The following MYZAP variants were observed in gnomAD, a reference collection of about 807,000 sequenced individuals.
The protein encoded by MYZAP is GRINL1A complex locus upstream.
MYZAP carries 66 observed loss-of-function variants against 69.4 expected under a neutral mutation model. The ratio of observed to expected loss-of-function variants is 0.95; its 90% CI spans 0.78 to 1.17. The LOEUF is 1.17. Ranked by LOEUF, MYZAP falls within the 50% of genes most tolerant of loss-of-function variation. The probability of loss-of-function intolerance (pLI) is 0.00; values close to 1 mark genes in which losing one functional copy is unlikely to be tolerated. For missense variants in MYZAP, 611 were observed against 556.2 expected (o/e 1.10, Z -0.99); for synonymous variants, 256 against 205.9 (o/e 1.24, Z -2.09).
intron 2 of MYZAP, among the ~76,000 whole-genome samples, chr15:57,608,403 G>T (rs2034894315): frequency 1.3e-5 from 2 of 152,202 alleles, no homozygotes; most frequent in Non-Finnish European, 2.9e-5. Flanking sequence ...TTTGGAGGCT[G>T]CTGGATGCAA....
At chr15:57,618,230 T>C (rs374913036) in intron 3 of MYZAP, 42 bp downstream of exon 3, 17 of 1,603,258 alleles carry the variant, frequency 1.1e-5, no homozygotes, top group Non-Finnish European at 1.4e-5. Flanking sequence ...TGTATTCTTT[T>C]TGTAGCATGC....
intron 3 of MYZAP, among the ~76,000 whole-genome samples, chr15:57,619,936 G>A (rs2934438): frequency 0.78 from 118,154 of 151,884 alleles, 46,281 homozygotes; most frequent in East Asian, 0.93. Flanking sequence ...ACCCTCCACT[G>A]TGATCCGCAA....
intron 10 of MYZAP, among the ~76,000 whole-genome samples, chr15:57,641,741 A>G (rs1185611165): frequency 1.3e-5 from 2 of 152,262 alleles, no homozygotes; most frequent in African/African-American, 2.4e-5. Context: ...AGCATACTAC[A>G]TTAACTTACA....
chr15:57,598,449 G>T (rs750130227), intron 1 of MYZAP, among the ~76,000 whole-genome samples: 1 of 152,124 alleles, frequency 6.6e-6, no homozygotes, highest in Non-Finnish European at 1.5e-5. Context: ...AACACTGAGC[G>T]AGCGCCCATC....
At chr15:57,600,845 G>A (rs1272777283) in intron 1 of MYZAP, among the ~76,000 whole-genome samples, 5 of 152,180 alleles carry the variant, frequency 3.3e-5, no homozygotes, top group Non-Finnish European at 7.3e-5. Context: ...ACATTTGGAG[G>A]CTGAGACAGG....
At chr15:57,607,944 A>T (rs752822786) in intron 2 of MYZAP, among the ~76,000 whole-genome samples, 1 of 152,132 alleles carries the variant, frequency 6.6e-6, no homozygotes, top group Non-Finnish European at 1.5e-5. Context: ...TGTGGTTTCA[A>T]CATGGCTTCC....
rs149680640 is a variant in MYZAP, at chr15:57,678,527, AGAT to A, written c.1304+3463_1304+3465del. Among the ~76,000 whole-genome samples, 934 of 152,300 alleles carry A rather than the reference AGAT, an allele frequency of 6.1e-3. 9 individuals carry two copies. Among genetic ancestry groups the A allele is most frequent in the African/African-American group, 0.022 (908 of 41,550 alleles). ...AATACAAAAAAATCTGAGTATGCTA[AGAT>A]GATTTCATTAACTTTTTATTGGTGG... On this transcript the variant is annotated intron_variant, in intron 12 of 12. Coordinates refer to ENST00000267853, the MANE Select transcript of MYZAP (RefSeq NM_001018100.5).
chr15:57,655,918 T>C (rs2037989004), intron 10 of MYZAP, among the ~76,000 whole-genome samples: 1 of 152,338 alleles, frequency 6.6e-6, no homozygotes, highest in East Asian at 1.9e-4. Context: ...ATAAATCAAA[T>C]AGGTGAGGTC....
chr15:57,645,802 C>T (rs1163918721), intron 10 of MYZAP, among the ~76,000 whole-genome samples: 1 of 152,212 alleles, frequency 6.6e-6, no homozygotes, highest in African/African-American at 2.4e-5. Context: ...ATACTTCTCT[C>T]TTCTCTTTTG....
chr15:57,604,013 G>C (rs1442110224), intron 1 of MYZAP, among the ~76,000 whole-genome samples: 2 of 152,196 alleles, frequency 1.3e-5, no homozygotes, highest in Non-Finnish European at 2.9e-5. Context: ...CATTGGTAAA[G>C]AAATGTTTGA....
At chr15:57,658,887 C>T (rs2038139471) in intron 10 of MYZAP, among the ~76,000 whole-genome samples, 1 of 152,134 alleles carries the variant, frequency 6.6e-6, no homozygotes, top group Admixed American at 6.5e-5. Context: ...TTTTCTAATT[C>T]TGTCATTCCT....
intron 1 of MYZAP, among the ~76,000 whole-genome samples, chr15:57,593,188 G>GCATGCGCGCGCACACACA: frequency 6.1e-5 from 7 of 114,152 alleles, no homozygotes; most frequent in Admixed American, 2.6e-4. Context: ...GTACACAGGC[G>GCATGCGCGCGCACACACA]CACACACACA....
chr15:57,676,397 AATATATATATATGTATATATATGTGT>A (rs11272061), intron 12 of MYZAP, among the ~76,000 whole-genome samples: 101,099 of 138,978 alleles, frequency 0.73, 37,454 homozygotes, highest in East Asian at 0.87. Context: ...GAAAATGTTG[AATATATATATATGTATATATATGTGT>A]ATATATATAT....
chr15:57,676,459 CAT>C (rs1450210805), intron 12 of MYZAP, among the ~76,000 whole-genome samples: 3 of 138,846 alleles, frequency 2.2e-5, no homozygotes, highest in Admixed American at 7.2e-5. Context: ...TATATATATA[CAT>C]ATATATACAT....
rs143805030 is a variant in MYZAP, at chr15:57,644,643, T to A, written c.1119+5098T>A. ...TATTACTGTTATTATTATTATTATT[T>A]TTTATAGAGACAGGGTTTCACTATG... On this transcript the variant is annotated intron_variant, in intron 10 of 12. Transcript: ENST00000267853. Among the ~76,000 whole-genome samples the A allele has an allele frequency of 7.6e-3, 1,164 of 152,212 alleles. 17 individuals carry two copies. The highest frequency in any genetic ancestry group is 0.042 in the South Asian group (202 of 4,818).
At chr15:57,613,679 GT>G (rs1482605134) in intron 2 of MYZAP, among the ~76,000 whole-genome samples, 2 of 152,138 alleles carry the variant, frequency 1.3e-5, no homozygotes, top group Non-Finnish European at 2.9e-5. Flanking sequence ...CCATAAGGAG[GT>G]TTTAAAAAAC....
Position 57,685,155 on chromosome 15 carries a change from A to C in MYZAP, c.*657A>C, listed in dbSNP as rs1476404668. Reference sequence around the variant, plus strand: ...TGCTTTCATTGGACCAGCTGAAATCACTGTATTTATTCAACTAGTGATTTT... The same window carrying C: ...TGCTTTCATTGGACCAGCTGAAATCCCTGTATTTATTCAACTAGTGATTTT... On this transcript the variant is annotated 3_prime_UTR_variant, in exon 13 of 13. Coordinates refer to ENST00000267853, the MANE Select transcript of MYZAP (RefSeq NM_001018100.5). 1 of 152,156 alleles carries C rather than the reference A, an allele frequency of 6.6e-6. No homozygotes were observed. The highest frequency in any genetic ancestry group is 2.4e-5 in the African/African-American group (1 of 41,416). The allele number at this position is 152,156 out of a possible 1,614,324, so 9.4% of individuals were successfully genotyped here. A position where few individuals can be genotyped will look rare whatever the true frequency, so the allele number is the denominator to read the frequency against.
intron 1 of MYZAP, among the ~76,000 whole-genome samples, chr15:57,602,723 C>T (rs1354166262): frequency 6.6e-6 from 1 of 152,184 alleles, no homozygotes; most frequent in African/African-American, 2.4e-5. Flanking sequence ...TGCCTGGGTT[C>T]AAATCTCAGC....
chr15:57,665,362 A>C (rs1207031287), intron 11 of MYZAP, among the ~76,000 whole-genome samples: 1 of 152,236 alleles, frequency 6.6e-6, no homozygotes, highest in African/African-American at 2.4e-5. Flanking sequence ...TTTGGGATTC[A>C]TATCAAGTCT....
Sources: allele counts gnomAD v4.1 joint callset (sites outside exome capture counted in the v4.1 genomes callset), GRCh38; gene constraint gnomAD v4.1.1; transcripts MANE v1.5; gene names NCBI Gene and HGNC (gene_info 2026-07-23, HGNC 2026-07-21).